The following SS18 variants were observed in gnomAD, a reference collection of about 807,000 sequenced individuals.
SS18 encodes the protein protein SSXT.
SS18 carries 28 observed loss-of-function variants against 72.5 expected under a neutral mutation model. That is an observed-to-expected ratio of 0.39 (90% confidence interval 0.29 to 0.53). The LOEUF (loss-of-function observed/expected upper bound fraction) is 0.53, where lower values mean the gene tolerates loss of function less well. SS18 is among the 20% of genes least tolerant of loss of function. The pLI is 0.76. For synonymous variants in SS18, 172 were observed against 164.2 expected (o/e 1.05, Z -0.37); for missense variants, 518 against 535.3 (o/e 0.97, Z 0.32).
intron 2 of SS18, among the ~76,000 whole-genome samples, chr18:26,079,517 AATT>A (rs1225882597): frequency 6.6e-6 from 1 of 152,212 alleles, no homozygotes; most frequent in Non-Finnish European, 1.5e-5. Context: ...TCAGATTCCA[AATT>A]AATTCATTTT....
chr18:26,033,444 A>G (rs1332969641), intron 9 of SS18, among the ~76,000 whole-genome samples: 3 of 151,862 alleles, frequency 2.0e-5, no homozygotes, highest in Non-Finnish European at 4.4e-5. Context: ...CCCGGGAAGC[A>G]GAGGTTGCAG....
At chr18:26,048,178 C>T (rs2053862670) in intron 5 of SS18, among the ~76,000 whole-genome samples, 1 of 152,190 alleles carries the variant, frequency 6.6e-6, no homozygotes, top group African/African-American at 2.4e-5. Flanking sequence ...TGGCCTCATG[C>T]AACCTTTATT....
intron 1 of SS18, chr18:26,089,937 A>AT (rs1282516265): frequency 6.5e-6 from 1 of 152,918 alleles, no homozygotes; most frequent in Non-Finnish European, 1.5e-5. Flanking sequence ...CCCAGAGTCC[A>AT]TGGGGACCTT....
rs1343170737 is a variant in SS18 at position 26,017,703 on chromosome 18, G to A, written c.*651C>T. ...TTTTTACTCAAAACTGTATCACAGT[G>A]CCCTTGATTATCTAATAGATAAAAG... On this transcript the variant is annotated 3_prime_UTR_variant, in exon 11 of 11. Transcript: ENST00000415083. 4.7e-6 allele frequency: 1 copy of A among 214,892 alleles called. No individual in the cohort carries two copies. Among genetic ancestry groups the A allele is most frequent in the East Asian group, 7.0e-5 (1 of 14,322 alleles). The allele number at this position is 214,892 out of a possible 1,614,324, so 13.3% of individuals were successfully genotyped here. A position where few individuals can be genotyped will look rare whatever the true frequency, so the allele number is the denominator to read the frequency against.
At chr18:26,076,981 G>A (rs764565167) in intron 3 of SS18, among the ~76,000 whole-genome samples, 1 of 151,858 alleles carries the variant, frequency 6.6e-6, no homozygotes, top group African/African-American at 2.4e-5. Context: ...TCTAGTTTCA[G>A]GATAACCAAA....
At chr18:26,033,607 GA>G (rs906675001) in intron 9 of SS18, among the ~76,000 whole-genome samples, 11 of 151,536 alleles carry the variant, frequency 7.3e-5, no homozygotes, top group African/African-American at 2.7e-4. Flanking sequence ...TGATTTCAGA[GA>G]AAAGTGTCAA....
In SS18 at chr18:26,035,994, A is replaced by C; in HGVS notation, c.881-71T>G. The C allele has an allele frequency of 1.1e-6, 1 of 928,964 alleles. No individual in the cohort carries two copies. The highest frequency in any genetic ancestry group is 1.6e-6 in the Non-Finnish European group (1 of 613,114). The allele number at this position is 928,964 out of a possible 1,614,324, so 57.5% of individuals were successfully genotyped here. Reference sequence around the variant, plus strand: ...GAGTGAAAACCCTAAAAATATTTAAACTTTCAGATAAAATTGAAAAAAAAG... The same window carrying C: ...GAGTGAAAACCCTAAAAATATTTAACCTTTCAGATAAAATTGAAAAAAAAG... On this transcript the variant is annotated intron_variant, in intron 7 of 10. Transcript: ENST00000415083. This position sits in a 1 kb window ranked among gnomAD's most constrained non-coding sequence, Gnocchi z 4.4.
chr18:26,090,751 C>T (rs1223815972), upstream of SS18: 5 of 632,282 alleles, frequency 7.9e-6, no homozygotes, highest in African/African-American at 5.5e-5. Context: ...GGATGTCTCG[C>T]TTCTGCGCAC....
chr18:26,072,372 T>C, intron 3 of SS18, among the ~76,000 whole-genome samples: 1 of 139,096 alleles, frequency 7.2e-6, no homozygotes, highest in East Asian at 2.1e-4. Flanking sequence ...AAAAAAAAAA[T>C]CTACATCCTA....
At chr18:26,057,559 G>T (rs1174556094) in intron 4 of SS18, 30 bp downstream of exon 4, 1 of 1,613,766 alleles carries the variant, frequency 6.2e-7, no homozygotes, top group South Asian at 1.1e-5. Flanking sequence ...AGCAACTCTG[G>T]TGTTAATGTC....
In SS18 at chr18:26,060,762, T is replaced by G. The variant is rs1435071119; in HGVS notation, c.232-3020A>C. ...CAACATGGTGAAACTCTGTCTCTAC[T>G]AAAAATACCAAAAAAAAAAAAAAAA... On this transcript the variant is annotated intron_variant, in intron 3 of 10. Transcript: ENST00000415083. 2.8e-4 allele frequency among the ~76,000 whole-genome samples: 5 copies of G among 17,864 alleles called. No homozygotes were observed. The Admixed American group carries it at 3.7e-3, about 13-fold the overall frequency. The allele number at this position is 17,864 out of a possible 152,430, so 11.7% of individuals were successfully genotyped here. A position where few individuals can be genotyped will look rare whatever the true frequency, so the allele number is the denominator to read the frequency against.
At chr18:26,085,265 G>A (rs866417361) in intron 2 of SS18, among the ~76,000 whole-genome samples, 2 of 152,104 alleles carry the variant, frequency 1.3e-5, no homozygotes, top group African/African-American at 2.4e-5. Context: ...AACTCATGTC[G>A]TCAAAGCAAT....
rs754372938 is a variant in SS18 at position 26,087,470 on chromosome 18, GAATA to G, written c.146+27_146+30del. On this transcript the variant is annotated intron_variant, in intron 2 of 10. Transcript: ENST00000415083. Reference sequence around the variant, plus strand: ...AAAAAATTAACCAATACAAAAAACTGAATAAAAAAAAAGTTTCTTATCAATCTTA... The same window carrying G: ...AAAAAATTAACCAATACAAAAAACTGAAAAAAAAGTTTCTTATCAATCTTA... 12 of 1,327,222 alleles carry G rather than the reference GAATA, an allele frequency of 9.0e-6. No homozygotes were observed. The African/African-American group carries it at 1.8e-4, about 20-fold the overall frequency. The allele number at this position is 1,327,222 out of a possible 1,614,324, so 82.2% of individuals were successfully genotyped here.
At chr18:26,081,769 T>C (rs536759222) in intron 2 of SS18, among the ~76,000 whole-genome samples, 52 of 150,480 alleles carry the variant, frequency 3.5e-4, no homozygotes, top group African/African-American at 1.3e-3. Flanking sequence ...TAAAACAGTA[T>C]ATGTTGTGCT....
chr18:26,052,218 T>C (rs908312238), intron 5 of SS18, among the ~76,000 whole-genome samples: 1 of 152,230 alleles, frequency 6.6e-6, no homozygotes, highest in East Asian at 1.9e-4. Flanking sequence ...AATTACCTTT[T>C]AATGCTGAAA....
In SS18 at chr18:26,052,729, G is replaced by A. The variant is rs372383542; in HGVS notation, c.502C>T (p.Pro168Ser). Reference sequence around the variant, plus strand: ...TGTACTGGCATGCTCTGTGATGATGGCACAGAATGGTTGTAACCTCCCATG... The same window carrying A: ...TGTACTGGCATGCTCTGTGATGATGACACAGAATGGTTGTAACCTCCCATG... ...GSMGGYNHSV[P>S]SSQSMPVQNQ... is the part of the protein sequence containing the mutation. The change falls in exon 5 of 11, where the codon CCA becomes TCA. Residue 168 changes from proline to serine, a missense_variant. Pro to Ser is a moderately conservative substitution (Grantham distance 74, BLOSUM62 -1). Transcript: ENST00000415083. 66 of 1,613,796 alleles carry A rather than the reference G, an allele frequency of 4.1e-5. No homozygotes were observed. The highest frequency in any genetic ancestry group is 5.4e-5 in the Non-Finnish European group (64 of 1,179,716).
At chr18:26,040,929 T>C (rs186993988) in intron 5 of SS18, among the ~76,000 whole-genome samples, 1 of 152,276 alleles carries the variant, frequency 6.6e-6, no homozygotes, top group East Asian at 1.9e-4. Flanking sequence ...GCCAGTTACA[T>C]GGTTTCACAG....
chr18:26,079,162 G>GATATGCTAAAACAA (rs1404421142), intron 2 of SS18: 1 of 152,188 alleles, frequency 6.6e-6, no homozygotes, highest in African/African-American at 2.4e-5. Context: ...ACAAAAGATG[G>GATATGCTAAAACAA]AAGAAATGTT....
chr18:26,088,246 A>C (rs2054650783), intron 1 of SS18, among the ~76,000 whole-genome samples: 1 of 152,156 alleles, frequency 6.6e-6, no homozygotes, highest in African/African-American at 2.4e-5. Flanking sequence ...TTAAGACTAA[A>C]AGTTAAGAGT....
Sources: gnomAD v4.1 joint callset for allele counts (sites outside exome capture counted in the v4.1 genomes callset) on GRCh38, gnomAD v4.1.1 for gene constraint, Gnocchi (gnomAD v3.1) non-coding constraint, MANE v1.5 for transcripts, NCBI Gene and HGNC (gene_info 2026-07-23, HGNC 2026-07-21) for gene names.